The following ME1 variants were observed in gnomAD, a reference collection of about 807,000 sequenced individuals.
ME1 encodes the protein NADP-dependent malic enzyme.
Under a neutral mutation model 66.4 loss-of-function variants are expected in ME1, and 74 were observed. That is an observed-to-expected ratio of 1.11 (90% confidence interval 0.92 to 1.35). The LOEUF (loss-of-function observed/expected upper bound fraction) is 1.35, where lower values mean the gene tolerates loss of function less well. ME1 is among the 40% of genes most tolerant of loss of function. The pLI is 0.00. For synonymous variants in ME1, 251 were observed against 235.6 expected (o/e 1.07, Z -0.60); for missense variants, 750 against 694.1 (o/e 1.08, Z -0.90).
intron 3 of ME1, among the ~76,000 whole-genome samples, chr6:83,387,428 T>C (rs1769531008): frequency 6.6e-6 from 1 of 152,044 alleles, no homozygotes; most frequent in South Asian, 2.1e-4. Flanking sequence ...AAACATCAAT[T>C]AAAACTGACA....
At chr6:83,300,923 A>C (rs1310418117) in intron 6 of ME1, among the ~76,000 whole-genome samples, 1 of 152,148 alleles carries the variant, frequency 6.6e-6, no homozygotes, top group Non-Finnish European at 1.5e-5. Flanking sequence ...GGAAACCATC[A>C]TTCTCATCAA....
At chr6:83,225,692 C>T (rs943229039) in intron 11 of ME1, among the ~76,000 whole-genome samples, 1 of 151,702 alleles carries the variant, frequency 6.6e-6, no homozygotes. Flanking sequence ...AGTCTGATAC[C>T]TTAAGCTCTT....
intron 2 of ME1, among the ~76,000 whole-genome samples, chr6:83,399,761 A>G (rs1368772029): frequency 1.3e-5 from 2 of 152,206 alleles, no homozygotes; most frequent in African/African-American, 4.8e-5. Flanking sequence ...CTACTCAACA[A>G]TCTTACCAGC....
At position 83,310,986 on chromosome 6, in the gene ME1, T is replaced by C. The variant is rs1400401070; in HGVS notation, c.704+4324A>G. On this transcript the variant is annotated intron_variant, in intron 6 of 13. Coordinates refer to ENST00000369705, the MANE Select transcript of ME1 (RefSeq NM_002395.6). ...GCCACATGGAATGGGATGTCTGGTT[T>C]GATGTCTGTCGAAATCCTGAATCCC... 2.0e-5 allele frequency among the ~76,000 whole-genome samples: 3 copies of C among 152,278 alleles called. No individual in the cohort carries two copies. The East Asian group carries it at 5.8e-4, about 29-fold the overall frequency.
chr6:83,250,211 G>A (rs917198960), intron 7 of ME1, among the ~76,000 whole-genome samples: 1 of 148,410 alleles, frequency 6.7e-6, no homozygotes, highest in Admixed American at 6.7e-5. Context: ...TTCCAATCCT[G>A]TTATTTCAAA....
At chr6:83,429,370 C>T (rs1770438907) in intron 1 of ME1, among the ~76,000 whole-genome samples, 1 of 152,234 alleles carries the variant, frequency 6.6e-6, no homozygotes, top group African/African-American at 2.4e-5. Context: ...AATAGACACT[C>T]TTGCCCCCAA....
At chr6:83,226,389 T>G (rs1790199146) in intron 11 of ME1, among the ~76,000 whole-genome samples, 1 of 152,168 alleles carries the variant, frequency 6.6e-6, no homozygotes, top group Non-Finnish European at 1.5e-5. Flanking sequence ...GCCTAGTAGG[T>G]GCAAGGCATG....
chr6:83,299,981 C>T lies in ME1; in HGVS notation c.704+15329G>A, dbSNP rs764716613. On this transcript the variant is annotated intron_variant, in intron 6 of 13. Coordinates refer to ENST00000369705, the MANE Select transcript of ME1 (RefSeq NM_002395.6). The stretch of plus-strand genomic sequence containing the variant: ...TGAATGCGGTGGATAAGCTTTTTGA[C>T]GTGCTGCTGGATTCGGTTTGCCAAT... Among the ~76,000 whole-genome samples, 7 of 152,084 alleles carry T rather than the reference C, an allele frequency of 4.6e-5. No homozygotes were observed. The South Asian group carries it at 6.2e-4, about 14-fold the overall frequency.
At chr6:83,275,797 G>T (rs1268970852) in intron 6 of ME1, among the ~76,000 whole-genome samples, 1 of 102,300 alleles carries the variant, frequency 9.8e-6, no homozygotes, top group Non-Finnish European at 1.8e-5. Flanking sequence ...TTTTGTGATG[G>T]AGTCTTGCTC....
chr6:83,290,075 C>A (rs1767473447), intron 6 of ME1, among the ~76,000 whole-genome samples: 3 of 152,114 alleles, frequency 2.0e-5, no homozygotes, highest in Middle Eastern at 3.2e-3. Flanking sequence ...TTTCAAAAAA[C>A]CAGCTCCTGC....
chr6:83,239,145 T>C (rs1790464779), intron 8 of ME1, among the ~76,000 whole-genome samples: 1 of 151,938 alleles, frequency 6.6e-6, no homozygotes, highest in Non-Finnish European at 1.5e-5. Flanking sequence ...CACACTGAAT[T>C]GTGAGTCAAA....
chr6:83,341,675 T>A (rs1338131106), intron 5 of ME1, among the ~76,000 whole-genome samples: 1 of 152,114 alleles, frequency 6.6e-6, no homozygotes, highest in Non-Finnish European at 1.5e-5. Context: ...AGTTTAAGAC[T>A]AAGAATGAGG....
chr6:83,237,105 G>A (rs1282392398), intron 9 of ME1, among the ~76,000 whole-genome samples: 1 of 150,936 alleles, frequency 6.6e-6, no homozygotes, highest in African/African-American at 2.4e-5. Flanking sequence ...AGGTGGGATA[G>A]GGATCACTTG....
At position 83,227,284 on chromosome 6, in the gene ME1, A is replaced by G. The variant is rs200581226; in HGVS notation, c.1275+51T>C. On this transcript the variant is annotated intron_variant, in intron 11 of 13. Transcript: ENST00000369705. ...CACCTTAGATATCCTAGGCCTCCCT[A>G]TAATGAATAAAAATTTGATTATTAA... 4,131 of 1,338,990 alleles carry G rather than the reference A, an allele frequency of 3.1e-3. 8 individuals are homozygous for G. The highest frequency in any genetic ancestry group is 3.9e-3 in the Non-Finnish European group (3,912 of 1,010,004). The allele number at this position is 1,338,990 out of a possible 1,614,324, so 82.9% of individuals were successfully genotyped here.
intron 12 of ME1, among the ~76,000 whole-genome samples, chr6:83,219,839 C>T (rs1790054468): frequency 6.6e-6 from 1 of 151,218 alleles, no homozygotes; most frequent in Non-Finnish European, 1.5e-5. Flanking sequence ...CCACCTACCT[C>T]AGCTTTCCAA....
chr6:83,333,076 G>A (rs1768445724), intron 5 of ME1, among the ~76,000 whole-genome samples: 1 of 152,116 alleles, frequency 6.6e-6, no homozygotes, highest in Non-Finnish European at 1.5e-5. Context: ...TTAACTGGCA[G>A]CTAATTCCAT....
At chr6:83,417,354 G>GT (rs954207503) in intron 1 of ME1, among the ~76,000 whole-genome samples, 18 of 145,766 alleles carry the variant, frequency 1.2e-4, no homozygotes, top group South Asian at 4.3e-4. Context: ...TAACTAACAT[G>GT]TTTTTTTTGT....
chr6:83,218,041 A>G (rs1790025813), intron 12 of ME1, among the ~76,000 whole-genome samples: 1 of 152,172 alleles, frequency 6.6e-6, no homozygotes, highest in African/African-American at 2.4e-5. Context: ...GTTGACCATA[A>G]TTTTATAATA....
intron 2 of ME1, among the ~76,000 whole-genome samples, chr6:83,405,557 G>A (rs148203589): frequency 1.0e-3 from 153 of 152,256 alleles, no homozygotes; most frequent in African/African-American, 3.6e-3. Context: ...TAGGAGTAGT[G>A]AGAGAGGGCA....
Sources: allele counts gnomAD v4.1 joint callset (sites outside exome capture counted in the v4.1 genomes callset), GRCh38; gene constraint gnomAD v4.1.1; transcripts MANE v1.5; gene names NCBI Gene and HGNC (gene_info 2026-07-23, HGNC 2026-07-21).